SPIN1: variants seen among roughly 807,000 people sequenced by gnomAD.
SPIN1 encodes spindlin-1.
SPIN1 carries 3 observed loss-of-function variants against 26.0 expected under a neutral mutation model. The ratio of observed to expected loss-of-function variants is 0.12; its 90% CI spans 0.05 to 0.30. The LOEUF is 0.30. Among genes scored for constraint, SPIN1 ranks in the 10% least tolerant of loss-of-function variants. The probability of loss-of-function intolerance (pLI) is 1.00; values close to 1 mark genes in which losing one functional copy is unlikely to be tolerated. For missense variants in SPIN1, 126 were observed against 333.4 expected (o/e 0.38, Z 4.84); for synonymous variants, 101 against 116.5 (o/e 0.87, Z 0.86).
chr9:88,403,417 G>C (rs953603158), intron 1 of SPIN1, among the ~76,000 whole-genome samples: 4 of 152,062 alleles, frequency 2.6e-5, no homozygotes, highest in Admixed American at 2.0e-4. Context: ...TTGGTATTTA[G>C]AGCTATGTAT....
At chr9:88,398,147 G>A (rs1180517743) in intron 1 of SPIN1, among the ~76,000 whole-genome samples, 3 of 150,964 alleles carry the variant, frequency 2.0e-5, no homozygotes, top group East Asian at 3.9e-4. Flanking sequence ...GGCTGGTCTC[G>A]AGCTCCTGAA....
intron 1 of SPIN1, chr9:88,410,852 G>A (rs1435760916): frequency 3.2e-5 from 29 of 917,482 alleles, no homozygotes; most frequent in Non-Finnish European, 4.7e-5. Flanking sequence ...CCACCTCCAC[G>A]ACCACCACGT....
intron 1 of SPIN1, among the ~76,000 whole-genome samples, chr9:88,403,484 A>T (rs1827231174): frequency 6.6e-6 from 1 of 152,140 alleles, no homozygotes. Flanking sequence ...TTGAGGTGGG[A>T]GGATCACTTG....
chr9:88,438,318 A>G (rs1182991414), intron 2 of SPIN1, among the ~76,000 whole-genome samples: 4 of 152,180 alleles, frequency 2.6e-5, no homozygotes, highest in Non-Finnish European at 5.9e-5. Context: ...CCATGTGCTT[A>G]GAAGTATGTT....
At chr9:88,434,277 C>G (rs1214893772) in intron 2 of SPIN1, among the ~76,000 whole-genome samples, 1 of 151,404 alleles carries the variant, frequency 6.6e-6, no homozygotes, top group Non-Finnish European at 1.5e-5. Context: ...TATAGTTTAA[C>G]TGTTTTAGAG....
intron 3 of SPIN1, 82 bp from the exon 4 acceptor site, chr9:88,462,414 T>C (rs2118190558): frequency 6.5e-7 from 1 of 1,531,086 alleles, no homozygotes; most frequent in Admixed American, 2.0e-5. Flanking sequence ...TGTAATGAGA[T>C]CATGCTAGCC....
intron 4 of SPIN1, among the ~76,000 whole-genome samples, chr9:88,466,665 T>C (rs920000017): frequency 6.6e-6 from 1 of 152,260 alleles, no homozygotes; most frequent in African/African-American, 2.4e-5. Context: ...TCTCACTTTT[T>C]TGTTTCTTTT....
chr9:88,406,005 CTGTGTGTGTGTGTG>C (rs745317937), intron 1 of SPIN1, among the ~76,000 whole-genome samples: 9 of 103,302 alleles, frequency 8.7e-5, no homozygotes, highest in South Asian at 5.7e-4. Context: ...GCTTGTGTGT[CTGTGTGTGTGTGTG>C]TGTGTGTGTG....
At chr9:88,410,908 C>T in intron 1 of SPIN1, 1 of 1,022,344 alleles carries the variant, frequency 9.8e-7, no homozygotes, top group Non-Finnish European at 1.5e-6. Context: ...CACTAGCCAT[C>T]TCTTGCTTTG....
At chr9:88,445,248 C>CT (rs1828222571) in intron 2 of SPIN1, among the ~76,000 whole-genome samples, 1 of 152,048 alleles carries the variant, frequency 6.6e-6, no homozygotes, top group Non-Finnish European at 1.5e-5. Flanking sequence ...CTTGTCTACT[C>CT]TAAGCCCAGA....
Position 88,477,202 on chromosome 9 carries a change from C to CA in SPIN1, c.*1928dup, listed in dbSNP as rs1271963328. Reference sequence around the variant, plus strand: ...CTTAAGAGTCCCTGCATGTAAATCTCAAAGCTGAGCCTGGCTCCCAGAGTC... The same window carrying CA: ...CTTAAGAGTCCCTGCATGTAAATCTCAAAAGCTGAGCCTGGCTCCCAGAGTC... On this transcript the variant is annotated 3_prime_UTR_variant, in exon 6 of 6. Transcript: ENST00000375859. The CA allele has an allele frequency of 6.6e-6, 1 of 152,224 alleles. No homozygotes were observed. The highest frequency in any genetic ancestry group is 1.5e-5 in the Non-Finnish European group (1 of 68,064). The allele number at this position is 152,224 out of a possible 1,614,324, so 9.4% of individuals were successfully genotyped here.
rs553515258 is a variant in SPIN1 at position 88,412,270 on chromosome 9, C to T, written c.-158-14112C>T. ...TTCTGATATGACAAGATATTCCAAG[C>T]TCCTCTAATATCCTTCTCCTTATCT... On this transcript the variant is annotated intron_variant, in intron 1 of 5. Coordinates refer to ENST00000375859, the MANE Select transcript of SPIN1 (RefSeq NM_006717.3). 5.3e-5 allele frequency among the ~76,000 whole-genome samples: 8 copies of T among 152,312 alleles called. No individual in the cohort carries two copies. In the South Asian group the frequency reaches 1.4e-3, roughly 28 times the overall value.
chr9:88,455,591 T>A (rs1828454746), intron 3 of SPIN1, among the ~76,000 whole-genome samples: 1 of 152,210 alleles, frequency 6.6e-6, no homozygotes, highest in Non-Finnish European at 1.5e-5. Flanking sequence ...TAATTTAATG[T>A]ATATTTTAAA....
chr9:88,469,009 C>T (rs977220737), intron 5 of SPIN1, among the ~76,000 whole-genome samples: 4 of 152,142 alleles, frequency 2.6e-5, no homozygotes, highest in African/African-American at 9.7e-5. Context: ...AATCTAATCC[C>T]AAGACATTGA....
At chr9:88,400,832 G>A (rs1452442780) in intron 1 of SPIN1, among the ~76,000 whole-genome samples, 1 of 146,502 alleles carries the variant, frequency 6.8e-6, no homozygotes, top group African/African-American at 2.6e-5. Context: ...GTGACAGAGC[G>A]AGACTCCGCC....
chr9:88,457,737 T>A (rs999901692), intron 3 of SPIN1: 1 of 723,154 alleles, frequency 1.4e-6, no homozygotes, highest in African/African-American at 1.9e-5. Context: ...ATTTGAGGCT[T>A]GCAAAAATCT....
intron 1 of SPIN1, chr9:88,411,513 G>T: frequency 1.4e-6 from 1 of 738,478 alleles, no homozygotes; most frequent in Non-Finnish European, 2.3e-6. Context: ...TCATCCATGG[G>T]CAGAAAGCTT....
chr9:88,450,750 A>G (rs1483768671), intron 3 of SPIN1, among the ~76,000 whole-genome samples: 1 of 152,070 alleles, frequency 6.6e-6, no homozygotes, highest in Admixed American at 6.5e-5. Flanking sequence ...ATGGAAAGGA[A>G]AAGTTGTGAG....
chr9:88,449,751 G>C (rs1160164797), intron 3 of SPIN1, among the ~76,000 whole-genome samples: 1 of 152,138 alleles, frequency 6.6e-6, no homozygotes, highest in Non-Finnish European at 1.5e-5. Flanking sequence ...TGAACAATCT[G>C]TTCTGATTGT....
Sources: allele counts gnomAD v4.1 joint callset (sites outside exome capture counted in the v4.1 genomes callset), GRCh38; gene constraint gnomAD v4.1.1; transcripts MANE v1.5; gene names NCBI Gene and HGNC (gene_info 2026-07-23, HGNC 2026-07-21).